EYA3: variants seen among roughly 807,000 people sequenced by gnomAD.
EYA3 encodes the protein protein phosphatase EYA3.
A neutral mutation model predicts 80.0 loss-of-function variants in EYA3; 39 were observed. That is an observed-to-expected ratio of 0.49 (90% CI 0.38 to 0.64). EYA3 has a LOEUF of 0.64. EYA3 is among the 30% of genes least tolerant of loss of function. EYA3 has a pLI of 0.00. For missense variants in EYA3, 523 were observed against 676.1 expected (o/e 0.77, Z 2.51); for synonymous variants, 206 against 232.8 (o/e 0.88, Z 1.05).
intron 5 of EYA3, among the ~76,000 whole-genome samples, chr1:28,036,260 G>C (rs967356668): frequency 3.3e-5 from 5 of 152,126 alleles, no homozygotes; most frequent in Non-Finnish European, 7.4e-5. Flanking sequence ...TTTCTAGTGT[G>C]CTACATGCAT....
intron 6 of EYA3, chr1:28,032,185 C>A (rs1208026211): frequency 2.0e-5 from 3 of 152,174 alleles, no homozygotes; most frequent in Non-Finnish European, 4.4e-5. Context: ...CCTGGCTATA[C>A]ACATATTTTT....
chr1:28,012,224 C>T (rs1010717439), intron 9 of EYA3, among the ~76,000 whole-genome samples: 1 of 152,078 alleles, frequency 6.6e-6, no homozygotes, highest in Non-Finnish European at 1.5e-5. Context: ...ATCACACTAG[C>T]CTTGCAACTT....
chr1:28,057,957 C>T (rs1318013924), intron 2 of EYA3, 37 bp downstream of exon 2: 11 of 1,345,596 alleles, frequency 8.2e-6, no homozygotes, highest in African/African-American at 2.9e-5. Context: ...ATTAGCTCTT[C>T]TACAATCAAC....
chr1:28,002,698 G>A (rs925502119), intron 11 of EYA3, among the ~76,000 whole-genome samples: 10 of 152,022 alleles, frequency 6.6e-5, no homozygotes, highest in Non-Finnish European at 1.2e-4. Context: ...TGTAGTCCCA[G>A]ATACCTGGAG....
At chr1:28,052,221 G>A (rs1644277146) in intron 2 of EYA3, among the ~76,000 whole-genome samples, 1 of 152,130 alleles carries the variant, frequency 6.6e-6, no homozygotes, top group African/African-American at 2.4e-5. Context: ...ATGTTGGCCA[G>A]GCTGGTCTCA....
At chr1:28,020,353 C>G (rs1351025455) in intron 7 of EYA3, among the ~76,000 whole-genome samples, 1 of 151,942 alleles carries the variant, frequency 6.6e-6, no homozygotes, top group African/African-American at 2.4e-5. Context: ...CTTTTTTCTC[C>G]AACTAAGCCA....
intron 5 of EYA3, among the ~76,000 whole-genome samples, chr1:28,037,254 A>C (rs966334327): frequency 6.6e-6 from 1 of 152,224 alleles, no homozygotes; most frequent in African/African-American, 2.4e-5. Context: ...AACAGTTCAG[A>C]TAAGTAATAA....
chr1:28,004,306 GAC>G (rs1557553699), intron 11 of EYA3, 28 bp downstream of exon 11: 1 of 1,477,850 alleles, frequency 6.8e-7, no homozygotes, highest in South Asian at 1.2e-5. Context: ...TCAGAAGAGG[GAC>G]AGTTACAACA....
chr1:28,041,323 C>T (rs1643764654), intron 4 of EYA3, among the ~76,000 whole-genome samples: 2 of 152,076 alleles, frequency 1.3e-5, no homozygotes, highest in Non-Finnish European at 2.9e-5. Flanking sequence ...GAGATCTTGC[C>T]ATTGCATTCC....
intron 16 of EYA3, among the ~76,000 whole-genome samples, chr1:27,980,723 T>G (rs907654627): frequency 1.3e-5 from 2 of 152,202 alleles, no homozygotes; most frequent in Non-Finnish European, 2.9e-5. Context: ...TGGAGAATAT[T>G]AGTCCCTGGG....
At chr1:28,064,395 A>T (rs200997645) in intron 1 of EYA3, among the ~76,000 whole-genome samples, 7 of 145,482 alleles carry the variant, frequency 4.8e-5, no homozygotes, top group African/African-American at 7.6e-5. Flanking sequence ...TATATATATA[A>T]ATATATAGAG....
At chr1:28,038,230 C>T (rs1242862976) in intron 5 of EYA3, among the ~76,000 whole-genome samples, 2 of 151,816 alleles carry the variant, frequency 1.3e-5, no homozygotes, top group African/African-American at 2.4e-5. Context: ...TGAGGTCAGC[C>T]GTTTGAAAAC....
At chr1:28,050,481 CGTGA>C (rs2148882765) in intron 2 of EYA3, among the ~76,000 whole-genome samples, 1 of 152,056 alleles carries the variant, frequency 6.6e-6, no homozygotes, top group African/African-American at 2.4e-5. Flanking sequence ...GGATTACAGG[CGTGA>C]GCCACTGCGC....
In EYA3 at chr1:28,010,978, TC is replaced by T; in HGVS notation, c.877del (p.Asp293MetfsTer10). The T allele has an allele frequency of 6.2e-7, 1 of 1,614,116 alleles. No homozygotes were observed. Among genetic ancestry groups the T allele is most frequent in the Non-Finnish European group, 8.5e-7 (1 of 1,179,986 alleles). Reference sequence around the variant, plus strand: ...TTCACTGTCTTGGGAAGAAGTGGCATCAGCTTTCCTCTTGCCCCGGTTCTTG... The same window carrying T: ...TTCACTGTCTTGGGAAGAAGTGGCATAGCTTTCCTCTTGCCCCGGTTCTTG... The part of the protein sequence containing the change: ...TSKNRGKRKA[D>X]ATSSQDSELE... On this transcript the variant is annotated frameshift_variant, in exon 10 of 18. Coordinates refer to ENST00000373871, the MANE Select transcript of EYA3 (RefSeq NM_001990.4). LOFTEE classifies it high-confidence loss of function.
At chr1:27,982,683 C>T (rs1011235785) in intron 16 of EYA3, among the ~76,000 whole-genome samples, 2 of 151,936 alleles carry the variant, frequency 1.3e-5, no homozygotes. Flanking sequence ...ATCTCCGCCT[C>T]CTGGGTTCAA....
chr1:28,084,032 A>G (rs866328888), intron 1 of EYA3, among the ~76,000 whole-genome samples: 2 of 152,242 alleles, frequency 1.3e-5, no homozygotes, highest in Non-Finnish European at 2.9e-5. Context: ...AGTGCATCCA[A>G]AACAATCTGT....
intron 13 of EYA3, among the ~76,000 whole-genome samples, chr1:27,994,033 T>C (rs1262374831): frequency 6.6e-6 from 1 of 152,258 alleles, no homozygotes; most frequent in Non-Finnish European, 1.5e-5. Context: ...GGCTGGTTTA[T>C]GTTCATAGGT....
At chr1:28,015,004 T>C (rs555189660) in intron 8 of EYA3, among the ~76,000 whole-genome samples, 1 of 152,328 alleles carries the variant, frequency 6.6e-6, no homozygotes, top group Admixed American at 6.5e-5. Flanking sequence ...ATAAACCAAA[T>C]ATAATTATAT....
At chr1:28,048,142 C>G (rs1644097101) in intron 3 of EYA3, among the ~76,000 whole-genome samples, 1 of 152,048 alleles carries the variant, frequency 6.6e-6, no homozygotes, top group African/African-American at 2.4e-5. Flanking sequence ...TGATATACAA[C>G]ATGAGTTTGG....
Sources: allele counts gnomAD v4.1 joint callset (sites outside exome capture counted in the v4.1 genomes callset), GRCh38; gene constraint gnomAD v4.1.1; transcripts MANE v1.5; gene names NCBI Gene and HGNC (gene_info 2026-07-23, HGNC 2026-07-21).